MACROD2: variants seen among roughly 807,000 people sequenced by gnomAD.
MACROD2 encodes the protein ADP-ribose glycohydrolase MACROD2.
Under a neutral mutation model 70.4 loss-of-function variants are expected in MACROD2, and 36 were observed. That is an observed-to-expected ratio of 0.51 (90% confidence interval 0.39 to 0.68). MACROD2 has a LOEUF of 0.68. Ranked by LOEUF, MACROD2 falls within the 30% of genes least tolerant of loss-of-function variation. The pLI, the probability that MACROD2 is intolerant of heterozygous loss-of-function variation, is 0.00. For missense variants in MACROD2, 496 were observed against 538.4 expected, an observed-to-expected ratio of 0.92 and a Z score of 0.78; for synonymous variants, 172 against 178.8, an observed-to-expected ratio of 0.96 and a Z score of 0.30.
intron 6 of MACROD2, among the ~76,000 whole-genome samples, chr20:15,330,450 C>G (rs993630332): frequency 6.6e-6 from 1 of 151,444 alleles, no homozygotes; most frequent in African/African-American, 2.4e-5. Context: ...AGAAGGGCCT[C>G]TCCCTATCAG....
At chr20:15,426,461 C>T in intron 6 of MACROD2, among the ~76,000 whole-genome samples, 1 of 152,096 alleles carries the variant, frequency 6.6e-6, no homozygotes. Flanking sequence ...TCTGCCACTT[C>T]AGCCTCCTGA....
chr20:14,375,418 A>T (rs2083362461), intron 3 of MACROD2, among the ~76,000 whole-genome samples: 1 of 152,158 alleles, frequency 6.6e-6, no homozygotes, highest in African/African-American at 2.4e-5. Context: ...CCTGTTTCTG[A>T]AGGTTTTGTT....
intron 15 of MACROD2, among the ~76,000 whole-genome samples, chr20:16,008,278 A>G (rs538723308): frequency 1.5e-4 from 23 of 152,322 alleles, no homozygotes; most frequent in Non-Finnish European, 1.2e-4. Flanking sequence ...CTCACGTTAC[A>G]TGGTTTCCAA....
intron 3 of MACROD2, among the ~76,000 whole-genome samples, chr20:14,172,389 C>T (rs936442986): frequency 1.4e-5 from 2 of 141,628 alleles, no homozygotes; most frequent in African/African-American, 5.3e-5. Flanking sequence ...ACTGCAACTT[C>T]CACCTCCTGG....
chr20:15,228,723 C>T (rs1006548984), intron 5 of MACROD2, among the ~76,000 whole-genome samples: 2 of 152,002 alleles, frequency 1.3e-5, no homozygotes, highest in African/African-American at 4.8e-5. Context: ...TTCCTAACCT[C>T]ATGATCCGCC....
intron 6 of MACROD2, among the ~76,000 whole-genome samples, chr20:15,351,769 T>A (rs1376166376): frequency 5.9e-5 from 9 of 152,310 alleles, no homozygotes; most frequent in Admixed American, 4.6e-4. Flanking sequence ...TCTGGCTAAC[T>A]TTTAGCACAA....
Position 14,952,309 on chromosome 20 carries a change from G to T in MACROD2, c.418+267350G>T, listed in dbSNP as rs116563868. ...TCATGGTCAAGTGTAAAGAATGTGG[G>T]TATAATGTTGCCATCTAATAGTTCA... On this transcript the variant is annotated intron_variant, in intron 5 of 17. Transcript: ENST00000684519. Among the ~76,000 whole-genome samples the T allele has an allele frequency of 5.1e-3, 770 of 152,252 alleles. 6 individuals are homozygous for T. The highest frequency in any genetic ancestry group is 0.018 in the African/African-American group (747 of 41,542).
chr20:15,124,421 G>T (rs1273539889), intron 5 of MACROD2, among the ~76,000 whole-genome samples: 4 of 149,986 alleles, frequency 2.7e-5, no homozygotes, highest in Non-Finnish European at 5.9e-5. Context: ...AAGTCATTTG[G>T]TCATCTGTTT....
intron 6 of MACROD2, among the ~76,000 whole-genome samples, chr20:15,337,013 C>T (rs912917071): frequency 4.4e-4 from 67 of 151,700 alleles, no homozygotes; most frequent in Non-Finnish European, 1.0e-4. Flanking sequence ...ATAGTCTTCT[C>T]ACTTTCTGCA....
intron 6 of MACROD2, among the ~76,000 whole-genome samples, chr20:15,356,719 G>A (rs920877634): frequency 2.6e-5 from 4 of 152,206 alleles, no homozygotes; most frequent in African/African-American, 9.7e-5. Flanking sequence ...GGGAGGCAGA[G>A]ATTGTAGTGA....
intron 8 of MACROD2, among the ~76,000 whole-genome samples, chr20:15,695,827 G>T (rs1219125092): frequency 6.6e-6 from 1 of 151,870 alleles, no homozygotes; most frequent in South Asian, 2.1e-4. Context: ...TTGAGTTCTT[G>T]ATTTGATTCT....
At chr20:14,309,087 G>T (rs1357098435) in intron 3 of MACROD2, among the ~76,000 whole-genome samples, 1 of 151,972 alleles carries the variant, frequency 6.6e-6, no homozygotes. Flanking sequence ...ACTTAGCCTT[G>T]CTGCTGTGGA....
chr20:15,272,579 A>G (rs552815709), intron 6 of MACROD2, among the ~76,000 whole-genome samples: 1 of 152,218 alleles, frequency 6.6e-6, no homozygotes, highest in Non-Finnish European at 1.5e-5. Flanking sequence ...TGTGTCTGAC[A>G]CCAAGATTAT....
At chr20:14,741,700 A>G (rs2071734151) in intron 5 of MACROD2, among the ~76,000 whole-genome samples, 1 of 152,116 alleles carries the variant, frequency 6.6e-6, no homozygotes, top group African/African-American at 2.4e-5. Context: ...CATTAGTCCA[A>G]CAGGTTGTAT....
At chr20:14,276,514 T>C (rs1441724695) in intron 3 of MACROD2, among the ~76,000 whole-genome samples, 5 of 144,408 alleles carry the variant, frequency 3.5e-5, no homozygotes, top group Non-Finnish European at 7.6e-5. Flanking sequence ...CATTAGGAGA[T>C]ATACCTAATG....
intron 5 of MACROD2, among the ~76,000 whole-genome samples, chr20:15,069,877 T>C (rs2075605904): frequency 6.6e-6 from 1 of 152,168 alleles, no homozygotes. Context: ...GGGTTGGAGC[T>C]ACCATACAGA....
chr20:14,743,853 T>TAA (rs2071765140), intron 5 of MACROD2, among the ~76,000 whole-genome samples: 1 of 152,118 alleles, frequency 6.6e-6, no homozygotes, highest in African/African-American at 2.4e-5. Flanking sequence ...GGATGTAGTC[T>TAA]TAACAGTCTT....
At chr20:14,628,055 C>G (rs1229057615) in intron 4 of MACROD2, among the ~76,000 whole-genome samples, 1 of 152,016 alleles carries the variant, frequency 6.6e-6, no homozygotes, top group Non-Finnish European at 1.5e-5. Flanking sequence ...CTGATCTGAA[C>G]CTTTAAGATA....
chr20:15,013,469 C>G (rs903033409), intron 5 of MACROD2, among the ~76,000 whole-genome samples: 3 of 152,118 alleles, frequency 2.0e-5, no homozygotes, highest in African/African-American at 7.2e-5. Flanking sequence ...GTAGACAGTC[C>G]TCAGCTGTCA....
Sources: allele counts gnomAD v4.1 joint callset (sites outside exome capture counted in the v4.1 genomes callset), GRCh38; gene constraint gnomAD v4.1.1; transcripts MANE v1.5; gene names NCBI Gene and HGNC (gene_info 2026-07-23, HGNC 2026-07-21).